Variants in MYO3B observed in about 807,000 individuals in gnomAD.
MYO3B encodes the protein myosin IIIB.
In MYO3B, 156 loss-of-function variants were observed where a neutral mutation model predicts 174.6. The observed-to-expected ratio is 0.89, with a 90% CI of 0.78 to 1.02. The LOEUF (loss-of-function observed/expected upper bound fraction) is 1.02, where lower values mean the gene tolerates loss of function less well. MYO3B is among the 50% of genes least tolerant of loss of function. The pLI, the probability that MYO3B is intolerant of heterozygous loss-of-function variation, is 0.00. For missense variants in MYO3B, 1,632 were observed against 1,639.4 expected, an observed-to-expected ratio of 1.00 and a Z score of 0.08; for synonymous variants, 563 against 569.1, an observed-to-expected ratio of 0.99 and a Z score of 0.15.
chr2:170,381,907 GTC>G, intron 9 of MYO3B, 107 bp from the exon 10 acceptor site: 1 of 865,262 alleles, frequency 1.2e-6, no homozygotes, highest in Non-Finnish European at 1.9e-6. Context: ...TGTCTCTGAA[GTC>G]TCTGAACATA....
At position 170,529,698 on chromosome 2, in the gene MYO3B, T is replaced by C. The variant is rs557917240; in HGVS notation, c.3575+10158T>C. Among the ~76,000 whole-genome samples the C allele has an allele frequency of 8.5e-5, 13 of 152,346 alleles. No homozygotes were observed. In the South Asian group the frequency reaches 2.7e-3, roughly 32 times the overall value. The stretch of plus-strand genomic sequence containing the variant: ...AATGAGTTTCTGCCCAAAAGACCTT[T>C]ACATATTGAGCCTATTTTGAAAAGT... On this transcript the variant is annotated intron_variant, in intron 30 of 34. Coordinates refer to ENST00000408978, the MANE Select transcript of MYO3B (RefSeq NM_138995.5).
Position 170,443,894 on chromosome 2 carries a change from A to G in MYO3B, c.2651-73A>G. The stretch of plus-strand genomic sequence containing the variant: ...AAATTCAGAAAAATACAAGGACCCA[A>G]AGGGAAAAATTACTCATGATCCTAT... On this transcript the variant is annotated intron_variant, in intron 22 of 34. Transcript: ENST00000408978. 2.2e-6 allele frequency: 3 copies of G among 1,340,846 alleles called. No individual in the cohort carries two copies. In the South Asian group the frequency reaches 4.4e-5, roughly 20 times the overall value. The allele number at this position is 1,340,846 out of a possible 1,614,324, so 83.1% of individuals were successfully genotyped here. A position where few individuals can be genotyped will look rare whatever the true frequency, so the allele number is the denominator to read the frequency against.
At chr2:170,514,080 C>G (rs2011085) in intron 28 of MYO3B, among the ~76,000 whole-genome samples, 91,605 of 152,018 alleles carry the variant, frequency 0.6, 28,483 homozygotes, top group East Asian at 0.89. Flanking sequence ...TGCCTCGGGG[C>G]AGGACCAGAA....
chr2:170,211,734 C>A (rs891444833), intron 3 of MYO3B, among the ~76,000 whole-genome samples: 2 of 152,092 alleles, frequency 1.3e-5, no homozygotes, highest in African/African-American at 4.8e-5. Flanking sequence ...AAAAGCATTG[C>A]CACATGGTTA....
intron 7 of MYO3B, among the ~76,000 whole-genome samples, chr2:170,294,138 A>G (rs990084402): frequency 2.6e-5 from 4 of 152,008 alleles, no homozygotes; most frequent in African/African-American, 7.2e-5. Context: ...ATCTTTTTAA[A>G]CAAACAGTTT....
At chr2:170,267,593 A>G (rs2093393975) in intron 7 of MYO3B, among the ~76,000 whole-genome samples, 1 of 152,182 alleles carries the variant, frequency 6.6e-6, no homozygotes, top group Non-Finnish European at 1.5e-5. Context: ...AAGTTCCCTT[A>G]GCTGGTCTTG....
chr2:170,571,594 T>C (rs1692443926), intron 32 of MYO3B, among the ~76,000 whole-genome samples: 1 of 152,124 alleles, frequency 6.6e-6, no homozygotes, highest in Non-Finnish European at 1.5e-5. Flanking sequence ...CTGTCTACCA[T>C]GTAGAGAATA....
intron 22 of MYO3B, among the ~76,000 whole-genome samples, chr2:170,422,208 G>A (rs1189330801): frequency 3.9e-5 from 6 of 152,112 alleles, no homozygotes; most frequent in Admixed American, 3.9e-4. Flanking sequence ...TGTTGTTGTT[G>A]TTGTTGTTTA....
At chr2:170,607,144 GT>G (rs1185124693) in intron 32 of MYO3B, among the ~76,000 whole-genome samples, 1 of 152,180 alleles carries the variant, frequency 6.6e-6, no homozygotes, top group African/African-American at 2.4e-5. Context: ...TATTTTCTCA[GT>G]TATAATAAGT....
chr2:170,582,356 T>TG (rs576918909), intron 32 of MYO3B, among the ~76,000 whole-genome samples: 336 of 152,280 alleles, frequency 2.2e-3, no homozygotes, highest in Admixed American at 5.6e-3. Flanking sequence ...CAAATGTGCG[T>TG]GGGGTGGAGT....
intron 22 of MYO3B, among the ~76,000 whole-genome samples, chr2:170,443,508 T>C (rs947443342): frequency 7.2e-5 from 11 of 152,184 alleles, no homozygotes; most frequent in Non-Finnish European, 1.3e-4. Context: ...AGATCCCATT[T>C]GTCAATTTTG....
At chr2:170,361,597 A>G (rs902759216) in intron 8 of MYO3B, among the ~76,000 whole-genome samples, 1 of 152,226 alleles carries the variant, frequency 6.6e-6, no homozygotes, top group East Asian at 1.9e-4. Context: ...GGTGCCAAGA[A>G]CAAGAATAAA....
At chr2:170,330,322 C>A (rs1574798064) in intron 7 of MYO3B, among the ~76,000 whole-genome samples, 1 of 152,044 alleles carries the variant, frequency 6.6e-6, no homozygotes, top group African/African-American at 2.4e-5. Context: ...CATGTATGTT[C>A]TCTTAATTCA....
intron 25 of MYO3B, among the ~76,000 whole-genome samples, chr2:170,485,420 C>CAGAGAGAG (rs61185936): frequency 2.3e-5 from 3 of 127,908 alleles, no homozygotes; most frequent in East Asian, 2.4e-4. Flanking sequence ...CACACACACA[C>CAGAGAGAG]AGAGAGAGAG....
intron 28 of MYO3B, among the ~76,000 whole-genome samples, chr2:170,505,184 G>T (rs116166529): frequency 3.9e-5 from 6 of 152,100 alleles, no homozygotes; most frequent in Admixed American, 6.5e-5. Context: ...TGAGATGTAG[G>T]GGGGAGAGGG....
At chr2:170,540,072 G>A (rs975456816) in intron 30 of MYO3B, among the ~76,000 whole-genome samples, 5 of 152,180 alleles carry the variant, frequency 3.3e-5, no homozygotes, top group Admixed American at 6.5e-5. Flanking sequence ...GTAAAAATAG[G>A]TTATTTTAGG....
chr2:170,230,811 A>G (rs1359531460), intron 6 of MYO3B, among the ~76,000 whole-genome samples: 1 of 152,184 alleles, frequency 6.6e-6, no homozygotes, highest in Non-Finnish European at 1.5e-5. Flanking sequence ...AATAACCAGC[A>G]TTTTCATAAG....
At chr2:170,536,481 AC>A (rs1218174514) in intron 30 of MYO3B, among the ~76,000 whole-genome samples, 1 of 152,236 alleles carries the variant, frequency 6.6e-6, no homozygotes, top group Non-Finnish European at 1.5e-5. Context: ...GGGTATCCAA[AC>A]CTGATGAGAA....
At chr2:170,436,462 C>T (rs17426191) in intron 22 of MYO3B, among the ~76,000 whole-genome samples, 9,887 of 152,188 alleles carry the variant, frequency 0.065, 421 homozygotes, top group Non-Finnish European at 0.083. Flanking sequence ...CCCTGGATTA[C>T]GACTTTGATG....
Sources: gnomAD v4.1 joint callset for allele counts (sites outside exome capture counted in the v4.1 genomes callset) on GRCh38, gnomAD v4.1.1 for gene constraint, MANE v1.5 for transcripts, NCBI Gene and HGNC (gene_info 2026-07-23, HGNC 2026-07-21) for gene names.